Variants in PPP2R5E observed in about 807,000 individuals in gnomAD.
The protein encoded by PPP2R5E is serine/threonine-protein phosphatase 2A 56 kDa regulatory subunit epsilon isoform.
PPP2R5E carries 4 observed loss-of-function variants against 65.3 expected under a neutral mutation model. The observed-to-expected ratio is 0.06, with a 90% confidence interval of 0.03 to 0.14. The LOEUF (loss-of-function observed/expected upper bound fraction) is 0.14. Among genes scored for constraint, PPP2R5E ranks in the 10% least tolerant of loss-of-function variants. The probability of loss-of-function intolerance (pLI) is 1.00; values close to 1 mark genes in which losing one functional copy is unlikely to be tolerated. For synonymous variants in PPP2R5E, 183 were observed against 187.4 expected (o/e 0.98, Z 0.19); for missense variants, 274 against 556.1 (o/e 0.49, Z 5.10).
At chr14:63,518,834 C>T (rs557274284) in intron 2 of PPP2R5E, among the ~76,000 whole-genome samples, 1 of 152,192 alleles carries the variant, frequency 6.6e-6, no homozygotes, top group South Asian at 2.1e-4. Context: ...AATATGCAGG[C>T]TGCTCTGCCT....
chr14:63,392,386 CAG>C (rs1885075315), intron 8 of PPP2R5E, among the ~76,000 whole-genome samples: 1 of 152,188 alleles, frequency 6.6e-6, no homozygotes, highest in African/African-American at 2.4e-5. Context: ...CTAATATCAA[CAG>C]TACTGAGTTT....
chr14:63,393,800 G>A lies in PPP2R5E; in HGVS notation c.849+20C>T. 1 of 1,450,910 alleles carries A rather than the reference G, an allele frequency of 6.9e-7. No individual in the cohort carries two copies. The highest frequency in any genetic ancestry group is 9.5e-7 in the Non-Finnish European group (1 of 1,047,346). 89.9% of individuals were successfully genotyped at this position (1,450,910 alleles called of 1,614,324 possible). ...ACTTTTTATTTTGCTTCTAAAAGTA[G>A]TTGTACAAAATCCTCCTACCTGTGC... On this transcript the variant is annotated intron_variant, in intron 8 of 13. Transcript: ENST00000337537.
At chr14:63,384,315 G>C (rs1165447298) in intron 12 of PPP2R5E, 129 bp downstream of exon 12, 2 of 1,102,634 alleles carry the variant, frequency 1.8e-6, no homozygotes, top group Admixed American at 4.6e-5. Context: ...TGAATCCCCA[G>C]AAGGTAAGGA....
At chr14:63,481,643 TAATA>T (rs1890708774) in intron 2 of PPP2R5E, among the ~76,000 whole-genome samples, 1 of 152,174 alleles carries the variant, frequency 6.6e-6, no homozygotes. Flanking sequence ...AATAACTATT[TAATA>T]GTTTTAACAA....
chr14:63,484,575 A>T (rs1306044963), intron 2 of PPP2R5E, among the ~76,000 whole-genome samples: 1 of 152,212 alleles, frequency 6.6e-6, no homozygotes, highest in Non-Finnish European at 1.5e-5. Context: ...CAATGACAAG[A>T]ACGAGGCTAT....
At chr14:63,468,393 A>G (rs1889945346) in intron 2 of PPP2R5E, among the ~76,000 whole-genome samples, 1 of 152,240 alleles carries the variant, frequency 6.6e-6, no homozygotes, top group South Asian at 2.1e-4. Flanking sequence ...ACCCAGTGAA[A>G]TAACTTCAAA....
intron 3 of PPP2R5E, among the ~76,000 whole-genome samples, chr14:63,430,349 ACATACATACATACATACATACATGCATG>A (rs1466975793): frequency 0.023 from 2,364 of 103,590 alleles, 45 homozygotes; most frequent in African/African-American, 0.076. Context: ...ACCCATGTAT[ACATACATACATACATACATACATGCATG>A]CATACATACA....
chr14:63,453,885 T>G lies in PPP2R5E; in HGVS notation c.158A>C (p.Asp53Ala). The G allele has an allele frequency of 7.0e-7, 1 of 1,432,624 alleles. No individual in the cohort carries two copies. Among genetic ancestry groups the G allele is most frequent in the Non-Finnish European group, 9.2e-7 (1 of 1,087,544 alleles). 88.7% of individuals were successfully genotyped at this position (1,432,624 alleles called of 1,614,324 possible). A position where few individuals can be genotyped will look rare whatever the true frequency, so the allele number is the denominator to read the frequency against. ...IELTPLPLLKDVPSSEQPELF... is the reference protein window; with the variant it reads ...IELTPLPLLKAVPSSEQPELF... ...TTCAGGCTGCTCTGAGGATGGAACG[T>G]CTAAGAAAAAAAAAGGAAATGGTGT... The change falls in exon 3 of 14, where the codon GAC becomes GCC. Residue 53 changes from aspartate to alanine, a missense_variant and splice_region_variant. Asp to Ala is a moderately radical substitution (Grantham distance 126, BLOSUM62 -2). This residue lies in a region of PPP2R5E where 58 missense variants were observed against 64.8 expected (regional missense o/e 0.90). Transcript: ENST00000337537.
At chr14:63,525,844 G>A (rs1893164770) in intron 2 of PPP2R5E, among the ~76,000 whole-genome samples, 1 of 152,130 alleles carries the variant, frequency 6.6e-6, no homozygotes, top group Admixed American at 6.6e-5. Context: ...TAAGAAAGAA[G>A]TTTCTCATTC....
intron 2 of PPP2R5E, among the ~76,000 whole-genome samples, chr14:63,478,383 A>C (rs59197840): frequency 0.04 from 6,110 of 152,270 alleles, 387 homozygotes; most frequent in African/African-American, 0.14. Flanking sequence ...AATATTTATT[A>C]ATTCATTTCA....
intron 2 of PPP2R5E, among the ~76,000 whole-genome samples, chr14:63,530,422 G>A (rs989318297): frequency 2.6e-5 from 4 of 151,412 alleles, no homozygotes; most frequent in Non-Finnish European, 2.9e-5. Context: ...TAATAGAGAC[G>A]AGGTTTCACA....
chr14:63,386,810 G>C (rs953698120), intron 11 of PPP2R5E, among the ~76,000 whole-genome samples: 1 of 151,940 alleles, frequency 6.6e-6, no homozygotes, highest in South Asian at 2.1e-4. Flanking sequence ...TGTGGTCCCA[G>C]CTACTCGGGA....
At chr14:63,457,238 T>C (rs1163799619) in intron 2 of PPP2R5E, among the ~76,000 whole-genome samples, 4 of 152,152 alleles carry the variant, frequency 2.6e-5, no homozygotes, top group African/African-American at 4.8e-5. Flanking sequence ...GAACAATCTC[T>C]GAGTAGTCCA....
intron 2 of PPP2R5E, among the ~76,000 whole-genome samples, chr14:63,496,788 G>A (rs1891593201): frequency 1.3e-5 from 2 of 151,270 alleles, no homozygotes; most frequent in Admixed American, 6.6e-5. Flanking sequence ...AAGCAAAGAA[G>A]CCAAATGCCT....
chr14:63,446,166 CA>C, intron 3 of PPP2R5E, among the ~76,000 whole-genome samples: 1 of 152,332 alleles, frequency 6.6e-6, no homozygotes, highest in South Asian at 2.1e-4. Flanking sequence ...GCAATTCAGT[CA>C]AATCTTCAGG....
intron 3 of PPP2R5E, among the ~76,000 whole-genome samples, chr14:63,436,982 C>A (rs1025223576): frequency 5.9e-5 from 9 of 152,274 alleles, no homozygotes; most frequent in Non-Finnish European, 1.2e-4. Flanking sequence ...GAAGTCAGCA[C>A]AAGATACAGG....
chr14:63,461,617 C>A (rs1028692582), intron 2 of PPP2R5E, among the ~76,000 whole-genome samples: 1 of 148,066 alleles, frequency 6.8e-6, no homozygotes, highest in African/African-American at 2.6e-5. Flanking sequence ...GGCAACACAG[C>A]GAGATCGCGT....
intron 5 of PPP2R5E, among the ~76,000 whole-genome samples, chr14:63,413,986 T>C (rs1464846899): frequency 1.3e-5 from 2 of 152,188 alleles, no homozygotes; most frequent in Non-Finnish European, 2.9e-5. Context: ...CAAAGCTCCT[T>C]TCAGCTCTGA....
At chr14:63,411,497 A>T (rs1886384705) in intron 5 of PPP2R5E, among the ~76,000 whole-genome samples, 2 of 151,418 alleles carry the variant, frequency 1.3e-5, no homozygotes. Flanking sequence ...TTCCCTCCAA[A>T]TCTCGTGTTG....
Sources: allele counts gnomAD v4.1 joint callset (sites outside exome capture counted in the v4.1 genomes callset), GRCh38; gene constraint gnomAD v4.1.1; regional missense constraint gnomAD v4.1.1; transcripts MANE v1.5; gene names NCBI Gene and HGNC (gene_info 2026-07-23, HGNC 2026-07-21).